GLIS1: variants seen among roughly 807,000 people sequenced by gnomAD.
The protein encoded by GLIS1 is GLIS family zinc finger 1, also known as zinc finger protein GLIS1.
Under a neutral mutation model 63.8 loss-of-function variants are expected in GLIS1, and 24 were observed. The ratio of observed to expected loss-of-function variants is 0.38; its 90% confidence interval spans 0.27 to 0.53. The LOEUF is 0.53. Among genes scored for constraint, GLIS1 ranks in the 20% least tolerant of loss-of-function variants. GLIS1 has a pLI of 0.85. For synonymous variants in GLIS1, 450 were observed against 482.5 expected, an observed-to-expected ratio of 0.93 and a Z score of 0.88; for missense variants, 1,036 against 1,074.1, an observed-to-expected ratio of 0.96 and a Z score of 0.50.
At chr1:53,670,976 C>G (rs1260943450) in intron 2 of GLIS1, among the ~76,000 whole-genome samples, 1 of 152,202 alleles carries the variant, frequency 6.6e-6, no homozygotes, top group Non-Finnish European at 1.5e-5. Flanking sequence ...TGTATGACCA[C>G]TATTTTGAGA....
At chr1:53,600,492 G>A (rs1051597850) in intron 2 of GLIS1, among the ~76,000 whole-genome samples, 1 of 152,112 alleles carries the variant, frequency 6.6e-6, no homozygotes, top group African/African-American at 2.4e-5. Context: ...TTCTCAGATG[G>A]GGATGCTAGG....
chr1:53,737,938 C>G lies in GLIS1; in HGVS notation c.127G>C (p.Gly43Arg), dbSNP rs931674020. 2.4e-6 allele frequency: 3 copies of G among 1,230,038 alleles called. No homozygotes were observed. Among genetic ancestry groups the G allele is most frequent in the Middle Eastern group, 6.2e-4 (2 of 3,202 alleles). 76.2% of individuals were successfully genotyped at this position (1,230,038 alleles called of 1,614,324 possible). ...HMAFRVTVSG[G>R]GCGDRGPRDL... ...CGCGGGCCCCTGTCCCCGCAGCCGC[C>G]GCCACTCACGGTGACCCTGAAGGCC... The change falls in exon 2 of 11, where the codon GGC (glycine) becomes CGC (arginine). Residue 43 changes from glycine (G) to arginine (R), a missense_variant. By Grantham distance (125) the Gly-to-Arg change is moderately radical (BLOSUM62 -2). Transcript: ENST00000628545.
intron 2 of GLIS1, among the ~76,000 whole-genome samples, chr1:53,666,766 C>T (rs1009088201): frequency 1.4e-5 from 2 of 148,046 alleles, no homozygotes; most frequent in Admixed American, 6.7e-5. Context: ...TTCCCATCGG[C>T]AGGTCTGTGG....
At chr1:53,606,530 CG>C (rs1645370914) in intron 2 of GLIS1, among the ~76,000 whole-genome samples, 1 of 152,194 alleles carries the variant, frequency 6.6e-6, no homozygotes, top group South Asian at 2.1e-4. Flanking sequence ...AGACAGAGCC[CG>C]AGCAGCGTTC....
rs890186167 is a variant in GLIS1, at chr1:53,570,994, A to C, written c.1320+23114T>G. 3.3e-5 allele frequency among the ~76,000 whole-genome samples: 5 copies of C among 152,248 alleles called. No individual in the cohort carries two copies. In the South Asian group the frequency reaches 1.0e-3, roughly 31 times the overall value. ...GAAAATGAAAAGCTTCTACTAAAAA[A>C]AAATACCATCAGGAAAGTGAAGCTA... On this transcript the variant is annotated intron_variant, in intron 4 of 10. Coordinates refer to ENST00000628545, the MANE Select transcript of GLIS1 (RefSeq NM_001367484.1).
At chr1:53,624,611 G>C (rs1007287838) in intron 2 of GLIS1, among the ~76,000 whole-genome samples, 1 of 151,352 alleles carries the variant, frequency 6.6e-6, no homozygotes, top group Non-Finnish European at 1.5e-5. Flanking sequence ...CGCAATCCTA[G>C]CTCACTGCAG....
At chr1:53,702,112 C>T (rs998348191) in intron 2 of GLIS1, among the ~76,000 whole-genome samples, 19 of 152,160 alleles carry the variant, frequency 1.2e-4, no homozygotes, top group Non-Finnish European at 2.5e-4. Flanking sequence ...CCGTGTCCCC[C>T]CTCCTGCATT....
rs544428685 is a variant in GLIS1 at position 53,669,471 on chromosome 1, A to C, written c.259+68335T>G. On this transcript the variant is annotated intron_variant, in intron 2 of 10. Coordinates refer to ENST00000628545, the MANE Select transcript of GLIS1 (RefSeq NM_001367484.1). Reference sequence around the variant, plus strand: ...TAAGAGGGGGCAGAGAGAAGGGGAGATCTGTCAACCAGGTAAGGCTAGTGA... The same window carrying C: ...TAAGAGGGGGCAGAGAGAAGGGGAGCTCTGTCAACCAGGTAAGGCTAGTGA... Among the ~76,000 whole-genome samples, 298 of 152,280 alleles carry C rather than the reference A, an allele frequency of 2.0e-3. 1 individual carries two copies. Among genetic ancestry groups the C allele is most frequent in the African/African-American group, 6.0e-3 (251 of 41,546 alleles).
At chr1:53,727,505 C>T (rs981559386) in intron 2 of GLIS1, among the ~76,000 whole-genome samples, 2 of 152,212 alleles carry the variant, frequency 1.3e-5, no homozygotes, top group African/African-American at 4.8e-5. Context: ...GCTCTTTAAG[C>T]CACAAGATGA....
At chr1:53,548,045 C>T (rs549649776) in intron 4 of GLIS1, among the ~76,000 whole-genome samples, 27 of 152,368 alleles carry the variant, frequency 1.8e-4, no homozygotes, top group Middle Eastern at 3.4e-3. Flanking sequence ...TTCTCCCTCC[C>T]GCCTCCCTGC....
intron 4 of GLIS1, among the ~76,000 whole-genome samples, chr1:53,542,888 G>C (rs541285138): frequency 1.6e-4 from 25 of 152,358 alleles, no homozygotes; most frequent in African/African-American, 6.0e-4. Context: ...AGAAGACACT[G>C]AGTCTGGGCT....
At chr1:53,534,721 C>A (rs556350112) in intron 4 of GLIS1, among the ~76,000 whole-genome samples, 1 of 148,868 alleles carries the variant, frequency 6.7e-6, no homozygotes, top group East Asian at 2.1e-4. Context: ...CGCACTTCTG[C>A]GAGTCACTCA....
chr1:53,621,445 G>A (rs1645541275), intron 2 of GLIS1, among the ~76,000 whole-genome samples: 1 of 152,376 alleles, frequency 6.6e-6, no homozygotes, highest in Middle Eastern at 3.4e-3. Flanking sequence ...CGTGTGGGAG[G>A]TGGGCCAACT....
At chr1:53,508,954 G>A (rs951844573) in intron 10 of GLIS1, among the ~76,000 whole-genome samples, 166 bp downstream of exon 10, 13 of 152,238 alleles carry the variant, frequency 8.5e-5, no homozygotes, top group African/African-American at 3.1e-4. Flanking sequence ...AGACAGTTCT[G>A]CGGGGTCCTG....
intron 2 of GLIS1, among the ~76,000 whole-genome samples, chr1:53,614,258 T>G (rs1645455642): frequency 1.3e-5 from 2 of 152,148 alleles, no homozygotes; most frequent in African/African-American, 4.8e-5. Context: ...CTGATTAATG[T>G]TATAAATTAA....
intron 2 of GLIS1, among the ~76,000 whole-genome samples, chr1:53,702,818 C>A (rs1462218174): frequency 6.6e-6 from 1 of 152,230 alleles, no homozygotes; most frequent in East Asian, 1.9e-4. Flanking sequence ...TGCTAACACC[C>A]ACCCATAGGC....
chr1:53,703,363 G>A lies in GLIS1; in HGVS notation c.259+34443C>T, dbSNP rs1350380244. Among the ~76,000 whole-genome samples the A allele has an allele frequency of 3.3e-5, 5 of 152,282 alleles. No homozygotes were observed. In the East Asian group the frequency reaches 9.7e-4, roughly 29 times the overall value. The stretch of plus-strand genomic sequence containing the variant: ...CTCAAAAGCATGAGTCAGGCCAGGT[G>A]CAGTGGCTCATGCCTGTAATCCCAA... On this transcript the variant is annotated intron_variant, in intron 2 of 10. Transcript: ENST00000628545.
At chr1:53,665,564 G>A (rs1000742881) in intron 2 of GLIS1, among the ~76,000 whole-genome samples, 2 of 152,108 alleles carry the variant, frequency 1.3e-5, no homozygotes, top group South Asian at 2.1e-4. Context: ...GAGGAGGATC[G>A]CTTGAGCCCA....
chr1:53,661,324 T>TA (rs1570005649), intron 2 of GLIS1, among the ~76,000 whole-genome samples: 1 of 152,080 alleles, frequency 6.6e-6, no homozygotes, highest in East Asian at 1.9e-4. Context: ...CTAAGGTAAA[T>TA]AGCACATCCA....
Sources: allele counts gnomAD v4.1 joint callset (sites outside exome capture counted in the v4.1 genomes callset), GRCh38; gene constraint gnomAD v4.1.1; transcripts MANE v1.5; gene names NCBI Gene and HGNC (gene_info 2026-07-23, HGNC 2026-07-21).